GLS: variants seen among roughly 807,000 people sequenced by gnomAD.
The protein encoded by GLS is glutaminase kidney isoform, mitochondrial.
A neutral mutation model predicts 86.7 loss-of-function variants in GLS; 36 were observed. The ratio of observed to expected loss-of-function variants is 0.42; its 90% CI spans 0.32 to 0.55. The LOEUF is 0.55. Among genes scored for constraint, GLS ranks in the 20% least tolerant of loss-of-function variants. The pLI, the probability that GLS is intolerant of heterozygous loss-of-function variation, is 0.17. For missense variants in GLS, 528 were observed against 833.4 expected (o/e 0.63, Z 4.51); for synonymous variants, 317 against 305.9 (o/e 1.04, Z -0.38).
At chr2:190,936,122 A>G (rs1188637949) in intron 14 of GLS, among the ~76,000 whole-genome samples, 1 of 151,164 alleles carries the variant, frequency 6.6e-6, no homozygotes, top group Non-Finnish European at 1.5e-5. Flanking sequence ...ATAATGATAT[A>G]TTCAATATAT....
chr2:190,913,734 T>G lies in GLS; in HGVS notation c.1038+3413T>G. 4.1e-6 allele frequency: 4 copies of G among 974,906 alleles called. No homozygotes were observed. Among genetic ancestry groups the G allele is most frequent in the Non-Finnish European group, 4.9e-6 (4 of 820,368 alleles). The allele number at this position is 974,906 out of a possible 1,614,324, so 60.4% of individuals were successfully genotyped here. The stretch of plus-strand genomic sequence containing the variant: ...CATACTGCAAAATAATTGCCACACT[T>G]AATGCTTTTTCATGTTAGAAATAGT... On this transcript the variant is annotated intron_variant, in intron 7 of 17. Coordinates refer to ENST00000320717, the MANE Select transcript of GLS (RefSeq NM_014905.5). The surrounding 1 kb of genome is among the most constrained non-coding windows in gnomAD (Gnocchi z 6.1).
At chr2:190,896,426 A>T (rs1429650706) in intron 3 of GLS, 1 of 152,276 alleles carries the variant, frequency 6.6e-6, no homozygotes, top group African/African-American at 2.4e-5. Context: ...ATTTTAAACT[A>T]CTACTATTTA....
In GLS at chr2:190,905,348, C is replaced by G; in HGVS notation, c.979+181C>G. 3 of 524,730 alleles carry G rather than the reference C, an allele frequency of 5.7e-6. No homozygotes were observed. Among genetic ancestry groups the G allele is most frequent in the South Asian group, 4.8e-5 (2 of 41,294 alleles). 32.5% of individuals were successfully genotyped at this position (524,730 alleles called of 1,614,324 possible). A position where few individuals can be genotyped will look rare whatever the true frequency, so the allele number is the denominator to read the frequency against. Reference sequence around the variant, plus strand: ...TGATTATTTTAGGCATCTCATACCACTGGGAAGTGGGCTAGGGAGAACATG... The same window carrying G: ...TGATTATTTTAGGCATCTCATACCAGTGGGAAGTGGGCTAGGGAGAACATG... On this transcript the variant is annotated intron_variant, in intron 6 of 17. Coordinates refer to ENST00000320717, the MANE Select transcript of GLS (RefSeq NM_014905.5). The surrounding 1 kb of genome is among the most constrained non-coding windows in gnomAD (Gnocchi z 4.6).
chr2:190,910,682 A>G (rs1689328398), intron 7 of GLS, among the ~76,000 whole-genome samples: 1 of 151,648 alleles, frequency 6.6e-6, no homozygotes, highest in African/African-American at 2.4e-5. Flanking sequence ...ACAGTTATAA[A>G]TAGAATTAAA....
At position 190,880,896 on chromosome 2, in the gene GLS, AGC is replaced by A. The variant is rs1559309480; in HGVS notation, c.-188_-187del. The A allele has an allele frequency of 1.9e-6, 1 of 529,520 alleles. No homozygotes were observed. Among genetic ancestry groups the A allele is most frequent in the African/African-American group, 2.6e-5 (1 of 38,812 alleles). 32.8% of individuals were successfully genotyped at this position (529,520 alleles called of 1,614,324 possible). On this transcript the variant is annotated 5_prime_UTR_variant, in exon 1 of 18. Coordinates refer to ENST00000320717, the MANE Select transcript of GLS (RefSeq NM_014905.5). Reference sequence around the variant, plus strand: ...GCGCAGCAGCAGCAGCAGCAGCAGCAGCAGCAGCAGCAGCAGCAGCAGCACCC... The same window carrying A: ...GCGCAGCAGCAGCAGCAGCAGCAGCAAGCAGCAGCAGCAGCAGCAGCACCC...
chr2:190,897,927 G>A lies in GLS; in HGVS notation c.605+2202G>A, dbSNP rs147578807. Among the ~76,000 whole-genome samples the A allele has an allele frequency of 5.8e-3, 888 of 152,182 alleles. 15 individuals are homozygous for A. The highest frequency in any genetic ancestry group is 0.019 in the African/African-American group (783 of 41,532). On this transcript the variant is annotated intron_variant, in intron 3 of 17. Transcript: ENST00000320717. The surrounding 1 kb of genome is among the most constrained non-coding windows in gnomAD (Gnocchi z 4.3). ...GACTTTTTTTAACTTGGGAAAATAC[G>A]TTCTAAGCATACTTTTTGGAGTAAA...
intron 7 of GLS, among the ~76,000 whole-genome samples, chr2:190,917,712 A>T (rs1327381949): frequency 1.3e-5 from 2 of 152,142 alleles, no homozygotes; most frequent in Non-Finnish European, 2.9e-5. Flanking sequence ...TGAAAACAAC[A>T]TTATGCTCCT....
chr2:190,929,181 GT>G (rs1282870493), intron 12 of GLS, among the ~76,000 whole-genome samples: 1 of 150,492 alleles, frequency 6.6e-6, no homozygotes, highest in Non-Finnish European at 1.5e-5. Flanking sequence ...TTTATCATTT[GT>G]CAAGTTTTGC....
At chr2:190,948,489 T>C (rs1324217221) in intron 14 of GLS, among the ~76,000 whole-genome samples, 1 of 152,228 alleles carries the variant, frequency 6.6e-6, no homozygotes, top group Non-Finnish European at 1.5e-5. Flanking sequence ...ACACATACTA[T>C]AATAAAATCT....
intron 9 of GLS, 104 bp from the exon 10 acceptor site, chr2:190,923,813 A>G (rs1180243921): frequency 1.6e-5 from 12 of 731,546 alleles, no homozygotes; most frequent in Non-Finnish European, 2.9e-5. Flanking sequence ...CCTGAATCTT[A>G]GTTCAGTGTT....
chr2:190,904,396 G>A (rs1689059043), intron 5 of GLS, among the ~76,000 whole-genome samples: 2 of 152,044 alleles, frequency 1.3e-5, no homozygotes, highest in African/African-American at 4.8e-5. Flanking sequence ...TGCCCTCAGA[G>A]GAAAATTTCC....
At position 190,964,428 on chromosome 2, in the gene GLS, C is replaced by T. The variant is rs934358257; in HGVS notation, c.*1442C>T. The T allele has an allele frequency of 2.6e-5, 4 of 151,444 alleles. No homozygotes were observed. The highest frequency in any genetic ancestry group is 4.4e-5 in the Non-Finnish European group (3 of 67,840). 9.4% of individuals were successfully genotyped at this position (151,444 alleles called of 1,614,324 possible). On this transcript the variant is annotated 3_prime_UTR_variant, in exon 18 of 18. Transcript: ENST00000320717. The surrounding 1 kb of genome is among the most constrained non-coding windows in gnomAD (Gnocchi z 5.2). ...AGTTGTTATCACATACAGCAAATTC[C>T]TTTTTTTTTCTTTTTCTATGAGCAC...
intron 7 of GLS, chr2:190,919,852 G>T (rs954778637): frequency 9.9e-6 from 2 of 202,828 alleles, no homozygotes; most frequent in Non-Finnish European, 1.7e-5. Flanking sequence ...TCTTGTTGAA[G>T]TTTTGTTAGT....
At chr2:190,958,936 T>G (rs1690928609) in intron 17 of GLS, among the ~76,000 whole-genome samples, 1 of 152,200 alleles carries the variant, frequency 6.6e-6, no homozygotes, top group African/African-American at 2.4e-5. Context: ...CTATTAGGTC[T>G]GCTTGGTCCA....
chr2:190,962,917 A>G lies in GLS; in HGVS notation c.1941A>G (p.Thr647=). Residue 647 remains threonine (T), a synonymous_variant, in exon 18 of 18, where the codon ACA becomes ACG. Transcript: ENST00000320717. This position sits in a 1 kb window ranked among gnomAD's most constrained non-coding sequence, Gnocchi z 4.2. ...KILQEYQVQY[T]PQGDSDNGKE... is the part of the protein sequence containing the mutation. ...TCCAAGAATACCAAGTCCAGTACAC[A>G]CCTCAAGGAGATTCTGACAACGGGA... The G allele has an allele frequency of 6.2e-7, 1 of 1,609,408 alleles. No individual in the cohort carries two copies. The highest frequency in any genetic ancestry group is 1.1e-5 in the South Asian group (1 of 90,490).
chr2:190,933,404 C>T, intron 14 of GLS: 1 of 858,288 alleles, frequency 1.2e-6, no homozygotes, highest in Non-Finnish European at 1.4e-6. Flanking sequence ...TACATTTATG[C>T]CATTTTTGGT....
chr2:190,959,385 C>T (rs1690944249), intron 17 of GLS, among the ~76,000 whole-genome samples: 1 of 151,994 alleles, frequency 6.6e-6, no homozygotes, highest in South Asian at 2.1e-4. Flanking sequence ...ATTTGCCATT[C>T]TGTGTCTTTT....
rs1258272226 is a variant in GLS at position 190,949,118 on chromosome 2, AGG to A, written c.1651-4445_1651-4444del. Among the ~76,000 whole-genome samples the A allele has an allele frequency of 6.6e-6, 1 of 152,172 alleles. No individual in the cohort carries two copies. Among genetic ancestry groups the A allele is most frequent in the African/African-American group, 2.4e-5 (1 of 41,450 alleles). ...GAGCATAGACACCAAGACAAAAACAAGGGCAGTAAGACCAATTTTGCTCTATT... is the reference window on the plus strand; with the variant it reads ...GAGCATAGACACCAAGACAAAAACAAGCAGTAAGACCAATTTTGCTCTATT... On this transcript the variant is annotated intron_variant, in intron 14 of 17. Coordinates refer to ENST00000320717, the MANE Select transcript of GLS (RefSeq NM_014905.5). This position sits in a 1 kb window ranked among gnomAD's most constrained non-coding sequence, Gnocchi z 4.0.
chr2:190,933,731 C>G lies in GLS; in HGVS notation c.1650+2094C>G, dbSNP rs544630994. On this transcript the variant is annotated intron_variant, in intron 14 of 17. Coordinates refer to ENST00000320717, the MANE Select transcript of GLS (RefSeq NM_014905.5). Reference sequence around the variant, plus strand: ...CTATGTTATATTTAAATATGAATGGCAAATTTTGGTTTTTAGCTTTTACAT... The same window carrying G: ...CTATGTTATATTTAAATATGAATGGGAAATTTTGGTTTTTAGCTTTTACAT... 12 of 839,338 alleles carry G rather than the reference C, an allele frequency of 1.4e-5. 1 individual carries two copies. The South Asian group carries it at 3.3e-4, about 23-fold the overall frequency. 52.0% of individuals were successfully genotyped at this position (839,338 alleles called of 1,614,324 possible).
Sources: gnomAD v4.1 joint callset for allele counts (sites outside exome capture counted in the v4.1 genomes callset) on GRCh38, gnomAD v4.1.1 for gene constraint, Gnocchi (gnomAD v3.1) non-coding constraint, MANE v1.5 for transcripts, NCBI Gene and HGNC (gene_info 2026-07-23, HGNC 2026-07-21) for gene names.